Variants in FAM163B observed in about 807,000 individuals in gnomAD.
FAM163B encodes family with sequence similarity 163 member B.
Under a neutral mutation model 7.6 loss-of-function variants are expected in FAM163B, and 4 were observed. That is an observed-to-expected ratio of 0.52 (90% confidence interval 0.26 to 1.20). FAM163B has a LOEUF of 1.20. FAM163B is among the 50% of genes most tolerant of loss of function. The pLI is 0.14. For synonymous variants in FAM163B, 120 were observed against 111.6 expected (o/e 1.07, Z -0.47); for missense variants, 250 against 243.0 (o/e 1.03, Z -0.19).
At chr9:133,603,985 G>A (rs772825407) in intron 1 of FAM163B, among the ~76,000 whole-genome samples, 3 of 152,092 alleles carry the variant, frequency 2.0e-5, no homozygotes, top group Non-Finnish European at 2.9e-5. Flanking sequence ...GATTACAGGC[G>A]CATGCCACCA....
intron 2 of FAM163B, among the ~76,000 whole-genome samples, 200 bp downstream of exon 2, chr9:133,579,931 T>C (rs1304548183): frequency 2.6e-5 from 4 of 152,218 alleles, no homozygotes; most frequent in African/African-American, 9.6e-5. Flanking sequence ...TTATAAGCTC[T>C]GGGTGAGGGG....
Position 133,577,141 on chromosome 9 carries a change from T to G in FAM163B, c.*1881A>C, listed in dbSNP as rs1390904607. 6.6e-6 allele frequency among the ~76,000 whole-genome samples: 1 copy of G among 152,156 alleles called. No homozygotes were observed. Among genetic ancestry groups the G allele is most frequent in the Non-Finnish European group, 1.5e-5 (1 of 68,020 alleles). On this transcript the variant is annotated 3_prime_UTR_variant, in exon 3 of 3. Transcript: ENST00000673969. ...GGGAGCCAGCGGCTCCCCCAGCAGGTCCCCACGGTGGAGCCGAGTGAGCTG... is the reference window on the plus strand; with the variant it reads ...GGGAGCCAGCGGCTCCCCCAGCAGGGCCCCACGGTGGAGCCGAGTGAGCTG...
intron 1 of FAM163B, among the ~76,000 whole-genome samples, chr9:133,591,626 G>A (rs964344894): frequency 6.6e-6 from 1 of 152,192 alleles, no homozygotes; most frequent in Non-Finnish European, 1.5e-5. Flanking sequence ...CTGCAGCTTC[G>A]GACTCAGGGG....
chr9:133,597,993 A>G (rs1465056234), intron 1 of FAM163B, among the ~76,000 whole-genome samples: 1 of 152,114 alleles, frequency 6.6e-6, no homozygotes, highest in Non-Finnish European at 1.5e-5. Context: ...GCTCCTTCTC[A>G]GACACACAGG....
intron 1 of FAM163B, among the ~76,000 whole-genome samples, chr9:133,581,367 C>A (rs1376232486): frequency 6.6e-6 from 1 of 152,140 alleles, no homozygotes; most frequent in Non-Finnish European, 1.5e-5. Flanking sequence ...TCCCAAGCCT[C>A]ATTTTTATTT....
intron 1 of FAM163B, among the ~76,000 whole-genome samples, chr9:133,585,034 T>A (rs1831412540): frequency 6.6e-6 from 1 of 152,234 alleles, no homozygotes; most frequent in Admixed American, 6.5e-5. Flanking sequence ...GGACAGGTTG[T>A]GAGATGGGGC....
rs1448776391 is a variant in FAM163B at position 133,600,576 on chromosome 9, G to A, written c.-24+8501C>T. 2.6e-5 allele frequency among the ~76,000 whole-genome samples: 4 copies of A among 152,100 alleles called. No individual in the cohort carries two copies. Among genetic ancestry groups the A allele is most frequent in the Non-Finnish European group, 5.9e-5 (4 of 68,020 alleles). On this transcript the variant is annotated intron_variant, in intron 1 of 2. Transcript: ENST00000673969. This position sits in a 1 kb window ranked among gnomAD's most constrained non-coding sequence, Gnocchi z 4.9. The stretch of plus-strand genomic sequence containing the variant: ...CTTGTTCCCTGGAGCTTTCGATGGG[G>A]TCTGCAGTGGGATGGGGTGGGAGCA...
intron 1 of FAM163B, among the ~76,000 whole-genome samples, chr9:133,597,799 A>G (rs1831653291): frequency 6.6e-6 from 1 of 152,154 alleles, no homozygotes. Context: ...CTTGCTGGAG[A>G]CAATGAGAGC....
chr9:133,597,890 A>G (rs1831655233), intron 1 of FAM163B, among the ~76,000 whole-genome samples: 1 of 151,696 alleles, frequency 6.6e-6, no homozygotes, highest in Non-Finnish European at 1.5e-5. Context: ...CAGAAAAAGA[A>G]AAAAAACCCT....
At chr9:133,593,491 T>C (rs1831585938) in intron 1 of FAM163B, among the ~76,000 whole-genome samples, 1 of 152,074 alleles carries the variant, frequency 6.6e-6, no homozygotes, top group Admixed American at 6.6e-5. Flanking sequence ...TGCTCCAGTG[T>C]GCTTATACCT....
In FAM163B at chr9:133,579,184, G is replaced by A. The variant is rs779589976; in HGVS notation, c.339C>T (p.Asp113=). The change falls in exon 3 of 3, where the codon GAC becomes GAT. Residue 113 remains aspartate, a synonymous_variant. Coordinates refer to ENST00000673969, the MANE Select transcript of FAM163B (RefSeq NM_001080515.3). ...FLQEPPEEEE[D]VLNGGERVLY... ...GCACGCGCTCCCCGCCGTTCAGCAC[G>A]TCCTCTTCCTCCTCCGGCGGCTCCT... The A allele has an allele frequency of 2.6e-5, 42 of 1,611,772 alleles. No homozygotes were observed. In the East Asian group the frequency reaches 4.7e-4, roughly 18 times the overall value.
chr9:133,607,496 C>A (rs550675724), intron 1 of FAM163B, among the ~76,000 whole-genome samples: 1 of 152,188 alleles, frequency 6.6e-6, no homozygotes, highest in African/African-American at 2.4e-5. Context: ...GGTGTCAGCA[C>A]GTCCTGAGAG....
intron 1 of FAM163B, among the ~76,000 whole-genome samples, chr9:133,599,114 C>T (rs1164769097): frequency 6.6e-6 from 1 of 152,220 alleles, no homozygotes; most frequent in Non-Finnish European, 1.5e-5. Flanking sequence ...TGTCTCCCAC[C>T]CTCCTCCTGT....
At chr9:133,599,029 C>G (rs1831672574) in intron 1 of FAM163B, among the ~76,000 whole-genome samples, 1 of 152,186 alleles carries the variant, frequency 6.6e-6, no homozygotes, top group South Asian at 2.1e-4. Flanking sequence ...GCCCTCCCCC[C>G]TTCCCTGTGA....
At chr9:133,591,961 C>A (rs980279119) in intron 1 of FAM163B, among the ~76,000 whole-genome samples, 5 of 152,154 alleles carry the variant, frequency 3.3e-5, no homozygotes, top group African/African-American at 9.7e-5. Flanking sequence ...CTCCTTCTGG[C>A]CCTTTAAGAT....
At chr9:133,605,549 G>A (rs1050872537) in intron 1 of FAM163B, among the ~76,000 whole-genome samples, 2 of 152,172 alleles carry the variant, frequency 1.3e-5, no homozygotes, top group South Asian at 2.1e-4. Flanking sequence ...TGACTAGCTC[G>A]GTCCGGCAGG....
chr9:133,605,579 G>A (rs1831780007), intron 1 of FAM163B, among the ~76,000 whole-genome samples: 1 of 152,172 alleles, frequency 6.6e-6, no homozygotes, highest in Admixed American at 6.5e-5. Flanking sequence ...CCACAGGCAC[G>A]GACGGCTCCC....
At chr9:133,589,759 A>T (rs1021385513) in intron 1 of FAM163B, among the ~76,000 whole-genome samples, 1 of 152,006 alleles carries the variant, frequency 6.6e-6, no homozygotes, top group African/African-American at 2.4e-5. Context: ...GCTGATCCCC[A>T]GTGTTTCCCA....
At chr9:133,583,920 C>T (rs1296675336) in intron 1 of FAM163B, among the ~76,000 whole-genome samples, 2 of 152,180 alleles carry the variant, frequency 1.3e-5, no homozygotes, top group African/African-American at 4.8e-5. Context: ...GCTGGCAGCT[C>T]CACCAGCGCC....
Sources: gnomAD v4.1 joint callset for allele counts (sites outside exome capture counted in the v4.1 genomes callset) on GRCh38, gnomAD v4.1.1 for gene constraint, Gnocchi (gnomAD v3.1) non-coding constraint, MANE v1.5 for transcripts, NCBI Gene and HGNC (gene_info 2026-07-23, HGNC 2026-07-21) for gene names.